Variants in TNNI3K observed in about 807,000 individuals in gnomAD.
TNNI3K encodes the protein serine/threonine-protein kinase TNNI3K.
A neutral mutation model predicts 114.5 loss-of-function variants in TNNI3K; 140 were observed. The observed-to-expected ratio is 1.22, with a 90% CI of 1.07 to 1.41. TNNI3K has a LOEUF of 1.41. Ranked by LOEUF, TNNI3K falls within the 40% of genes most tolerant of loss-of-function variation. The pLI, the probability that TNNI3K is intolerant of heterozygous loss-of-function variation, is 0.00. For synonymous variants in TNNI3K, 347 were observed against 347.5 expected (o/e 1.00, Z 0.02); for missense variants, 1,125 against 1,007.6 (o/e 1.12, Z -1.58).
chr1:74,458,461 A>G (rs1667317917), intron 20 of TNNI3K, among the ~76,000 whole-genome samples: 1 of 152,042 alleles, frequency 6.6e-6, no homozygotes, highest in African/African-American at 2.4e-5. Context: ...TTATTGAAGC[A>G]CCTCCTCCCA....
intron 17 of TNNI3K, among the ~76,000 whole-genome samples, chr1:74,397,086 G>A (rs1210027247): frequency 6.6e-6 from 1 of 152,170 alleles, no homozygotes; most frequent in Non-Finnish European, 1.5e-5. Context: ...GAAAGTTGTT[G>A]ATGAAAGCTG....
At chr1:74,517,655 T>A (rs1414923726) in intron 23 of TNNI3K, among the ~76,000 whole-genome samples, 2 of 152,162 alleles carry the variant, frequency 1.3e-5, no homozygotes, top group African/African-American at 4.8e-5. Context: ...TAGGTTCTAT[T>A]TCATTGATGA....
chr1:74,448,295 A>T (rs889232421), intron 20 of TNNI3K, among the ~76,000 whole-genome samples: 2 of 141,338 alleles, frequency 1.4e-5, no homozygotes, highest in East Asian at 4.1e-4. Flanking sequence ...AATGCTTGTG[A>T]TTTTTGTACA....
At chr1:74,532,104 G>T (rs1327468982) in intron 23 of TNNI3K, among the ~76,000 whole-genome samples, 1 of 152,166 alleles carries the variant, frequency 6.6e-6, no homozygotes, top group East Asian at 1.9e-4. Flanking sequence ...TTAGGAAGAT[G>T]AATCCATGCA....
At chr1:74,292,897 A>C (rs1166505256) in intron 5 of TNNI3K, among the ~76,000 whole-genome samples, 1 of 151,678 alleles carries the variant, frequency 6.6e-6, no homozygotes, top group Non-Finnish European at 1.5e-5. Flanking sequence ...CATGGTTTAT[A>C]GTTTCCCAGG....
intron 17 of TNNI3K, among the ~76,000 whole-genome samples, chr1:74,423,697 A>G (rs1665502252): frequency 6.6e-6 from 1 of 152,134 alleles, no homozygotes. Flanking sequence ...TTAACTGTTT[A>G]GTCACACATC....
At chr1:74,283,568 A>G (rs1657142952) in intron 5 of TNNI3K, among the ~76,000 whole-genome samples, 1 of 152,208 alleles carries the variant, frequency 6.6e-6, no homozygotes, top group South Asian at 2.1e-4. Context: ...AAAAATGTAA[A>G]TGAGATGTTC....
intron 5 of TNNI3K, among the ~76,000 whole-genome samples, chr1:74,310,847 A>G (rs1279006195): frequency 6.6e-6 from 1 of 152,122 alleles, no homozygotes; most frequent in Non-Finnish European, 1.5e-5. Flanking sequence ...TTTTATAACT[A>G]TGTCTTCTAT....
chr1:74,419,056 G>GT (rs1557554485), intron 17 of TNNI3K, among the ~76,000 whole-genome samples: 1 of 152,032 alleles, frequency 6.6e-6, no homozygotes, highest in African/African-American at 2.4e-5. Context: ...ATTATCAAAA[G>GT]TTGGTGGCTT....
chr1:74,370,467 C>T, intron 17 of TNNI3K, 75 bp downstream of exon 17: 2 of 1,338,498 alleles, frequency 1.5e-6, no homozygotes, highest in South Asian at 2.7e-5. Context: ...AGTGAAGATA[C>T]ATTTTAGACT....
chr1:74,497,850 A>G (rs1669409380), intron 23 of TNNI3K, among the ~76,000 whole-genome samples: 1 of 152,206 alleles, frequency 6.6e-6, no homozygotes. Context: ...TCCGGAGTCC[A>G]ATTGATTCAG....
At chr1:74,336,528 G>T (rs1660477367) in intron 7 of TNNI3K, among the ~76,000 whole-genome samples, 1 of 130,816 alleles carries the variant, frequency 7.6e-6, no homozygotes, top group Admixed American at 9.4e-5. Flanking sequence ...AGTCCCCAGA[G>T]TGTGATATTC....
Position 74,315,641 on chromosome 1 carries a change from A to T in TNNI3K, c.445-15809A>T, listed in dbSNP as rs1485482452. ...TCCTAGAGGCAATTTTGCAGCTATG[A>T]TTATAAATAAACTTCTATTATCAAG... On this transcript the variant is annotated intron_variant, in intron 5 of 24. Coordinates refer to ENST00000326637, the MANE Select transcript of TNNI3K (RefSeq NM_015978.3). Among the ~76,000 whole-genome samples, 4 of 151,994 alleles carry T rather than the reference A, an allele frequency of 2.6e-5. No homozygotes were observed. In the East Asian group the frequency reaches 7.7e-4, roughly 29 times the overall value.
chr1:74,402,398 ATG>A lies in TNNI3K; in HGVS notation c.1772+32010_1772+32011del, dbSNP rs1176673069. On this transcript the variant is annotated intron_variant, in intron 17 of 24. Transcript: ENST00000326637. ...CTACCTCCAAAACCCACTGAAAAAA[ATG>A]TGTTTCTGGTTTGGACCATTTGGAG... 3.3e-5 allele frequency among the ~76,000 whole-genome samples: 5 copies of A among 152,292 alleles called. No individual in the cohort carries two copies. The East Asian group carries it at 9.6e-4, about 29-fold the overall frequency.
rs566404465 is a variant in TNNI3K at position 74,465,288 on chromosome 1, G to A, written c.2121+1738G>A. On this transcript the variant is annotated intron_variant, in intron 21 of 24. Coordinates refer to ENST00000326637, the MANE Select transcript of TNNI3K (RefSeq NM_015978.3). Reference sequence around the variant, plus strand: ...TGCGGGGAGGTGTGGAGGGAGAGGCGCAGGAGGTAACCAGCTGGCGCTCGG... The same window carrying A: ...TGCGGGGAGGTGTGGAGGGAGAGGCACAGGAGGTAACCAGCTGGCGCTCGG... Among the ~76,000 whole-genome samples the A allele has an allele frequency of 6.6e-5, 10 of 152,312 alleles. No homozygotes were observed. The Middle Eastern group carries it at 0.01, about 155-fold the overall frequency.
chr1:74,277,098 C>T (rs951584479), intron 5 of TNNI3K, among the ~76,000 whole-genome samples: 6 of 152,060 alleles, frequency 3.9e-5, no homozygotes, highest in African/African-American at 7.2e-5. Context: ...GTGAGTCATA[C>T]GCTTTCCCAG....
chr1:74,357,108 A>C (rs1355846345), intron 11 of TNNI3K, among the ~76,000 whole-genome samples: 1 of 152,168 alleles, frequency 6.6e-6, no homozygotes, highest in Non-Finnish European at 1.5e-5. Flanking sequence ...TGAAACAAGA[A>C]GTGCTTCCCT....
intron 2 of TNNI3K, among the ~76,000 whole-genome samples, chr1:74,243,711 C>A (rs1654385089): frequency 6.6e-6 from 1 of 152,122 alleles, no homozygotes. Context: ...ATTCATTATG[C>A]TACAAGAAAG....
chr1:74,495,561 A>C (rs985876194), intron 23 of TNNI3K, among the ~76,000 whole-genome samples: 2 of 152,192 alleles, frequency 1.3e-5, no homozygotes, highest in South Asian at 2.1e-4. Flanking sequence ...GTCACTATTG[A>C]ACATCCTGGG....
Sources: allele counts gnomAD v4.1 joint callset (sites outside exome capture counted in the v4.1 genomes callset), GRCh38; gene constraint gnomAD v4.1.1; transcripts MANE v1.5; gene names NCBI Gene and HGNC (gene_info 2026-07-23, HGNC 2026-07-21).